ADD1: variants seen among roughly 807,000 people sequenced by gnomAD.
The protein encoded by ADD1 is alpha-adducin.
Under a neutral mutation model 80.5 loss-of-function variants are expected in ADD1, and 24 were observed. The ratio of observed to expected loss-of-function variants is 0.30; its 90% CI spans 0.22 to 0.42. The LOEUF is 0.42. Ranked by LOEUF, ADD1 falls within the 10% of genes least tolerant of loss-of-function variation. ADD1 has a pLI of 1.00. For missense variants in ADD1, 948 were observed against 1,019.0 expected (o/e 0.93, Z 0.95); for synonymous variants, 373 against 393.8 (o/e 0.95, Z 0.63).
intron 1 of ADD1, among the ~76,000 whole-genome samples, chr4:2,861,505 A>T (rs1194136511): frequency 6.6e-6 from 1 of 152,208 alleles, no homozygotes; most frequent in Admixed American, 6.5e-5. Context: ...GTTTGAGTAG[A>T]CTTTAAATAT....
chr4:2,928,631 C>T lies in ADD1; in HGVS notation c.*108C>T. 2 of 1,279,824 alleles carry T rather than the reference C, an allele frequency of 1.6e-6. No individual in the cohort carries two copies. Among genetic ancestry groups the T allele is most frequent in the Non-Finnish European group, 2.2e-6 (2 of 913,446 alleles). The allele number at this position is 1,279,824 out of a possible 1,614,324, so 79.3% of individuals were successfully genotyped here. A position where few individuals can be genotyped will look rare whatever the true frequency, so the allele number is the denominator to read the frequency against. ...TAATGGAATGCAAAAAAGCCAAGCC[C>T]TCCGCCTAGAGGTCCCCTCACGTGA... is the stretch of plus-strand genomic sequence containing the variant. On this transcript the variant is annotated 3_prime_UTR_variant, in exon 16 of 16. Transcript: ENST00000683351.
At chr4:2,922,910 A>T (rs569553302) in intron 14 of ADD1, among the ~76,000 whole-genome samples, 1 of 152,336 alleles carries the variant, frequency 6.6e-6, no homozygotes, top group South Asian at 2.1e-4. Flanking sequence ...GCCCAGTGTG[A>T]ACTTCCTGGC....
At chr4:2,866,287 C>T (rs940545792) in intron 1 of ADD1, among the ~76,000 whole-genome samples, 1 of 152,072 alleles carries the variant, frequency 6.6e-6, no homozygotes, top group Admixed American at 6.6e-5. Context: ...CTGCCTCAGC[C>T]TCTGGAATAG....
chr4:2,914,067 A>AAAAAAAAAAAAAAC (rs1738548650), intron 13 of ADD1, among the ~76,000 whole-genome samples: 1 of 151,752 alleles, frequency 6.6e-6, no homozygotes, highest in African/African-American at 2.4e-5. Context: ...TCAAAAAAAA[A>AAAAAAAAAAAAAAC]AAAAAAGAAG....
In ADD1 at chr4:2,928,610, G is replaced by A; in HGVS notation, c.*87G>A. The A allele has an allele frequency of 6.9e-7, 1 of 1,451,576 alleles. No individual in the cohort carries two copies. Among genetic ancestry groups the A allele is most frequent in the Non-Finnish European group, 9.4e-7 (1 of 1,060,756 alleles). 89.9% of individuals were successfully genotyped at this position (1,451,576 alleles called of 1,614,324 possible). ...CGTCTGTGCTCTGTCCTTGTGTAAT[G>A]GAATGCAAAAAAGCCAAGCCCTCCG... On this transcript the variant is annotated 3_prime_UTR_variant, in exon 16 of 16. Transcript: ENST00000683351.
intron 1 of ADD1, among the ~76,000 whole-genome samples, chr4:2,847,114 G>T (rs535368241): frequency 2.0e-5 from 3 of 151,722 alleles, no homozygotes; most frequent in African/African-American, 7.3e-5. Context: ...GCGAGACTCC[G>T]TCTCAAAAAA....
rs1739393572 is a variant in ADD1, at chr4:2,918,171, T to C, written c.1948+3131T>C. On this transcript the variant is annotated intron_variant, in intron 14 of 15. Coordinates refer to ENST00000683351, the MANE Select transcript of ADD1 (RefSeq NM_001354761.2). ...TATCCATGAGCATGGAATGTTTTTC[T>C]ATTTGTTTGTGTCCTATTTCGCTGA... Among the ~76,000 whole-genome samples the C allele has an allele frequency of 5.9e-5, 9 of 152,336 alleles. No homozygotes were observed. In the South Asian group the frequency reaches 1.9e-3, roughly 32 times the overall value.
intron 13 of ADD1, among the ~76,000 whole-genome samples, chr4:2,910,117 G>A (rs1737781457): frequency 6.7e-6 from 1 of 148,564 alleles, no homozygotes. Flanking sequence ...ACCCACCCAC[G>A]TAGAAGGAAA....
At position 2,874,400 on chromosome 4, in the gene ADD1, A is replaced by G. The variant is rs181622557; in HGVS notation, c.-20-1496A>G. ...GGCGGGCGGATCACCTGAGGTCAGGAGTTCGAGACCAGCCTGGCCAACATG... is the reference window on the plus strand; with the variant it reads ...GGCGGGCGGATCACCTGAGGTCAGGGGTTCGAGACCAGCCTGGCCAACATG... On this transcript the variant is annotated intron_variant, in intron 1 of 15. Transcript: ENST00000683351. Among the ~76,000 whole-genome samples the G allele has an allele frequency of 1.6e-3, 247 of 152,280 alleles. 1 individual carries two copies. Among genetic ancestry groups the G allele is most frequent in the African/African-American group, 5.7e-3 (235 of 41,570 alleles).
Position 2,926,131 on chromosome 4 carries a change from C to CG in ADD1, c.2047+21dup, listed in dbSNP as rs1254354472. Reference sequence around the variant, plus strand: ...GAGGAAGGTGAGCTCTGGGTGGCAGCGGCCGCCACTGTGGGAGGGTGCACG... The same window carrying CG: ...GAGGAAGGTGAGCTCTGGGTGGCAGCGGGCCGCCACTGTGGGAGGGTGCACG... On this transcript the variant is annotated intron_variant, in intron 15 of 15. Coordinates refer to ENST00000683351, the MANE Select transcript of ADD1 (RefSeq NM_001354761.2). This position sits in a 1 kb window ranked among gnomAD's most constrained non-coding sequence, Gnocchi z 5.0. The CG allele has an allele frequency of 1.5e-5, 24 of 1,604,556 alleles. No homozygotes were observed. The highest frequency in any genetic ancestry group is 2.0e-5 in the Non-Finnish European group (23 of 1,173,194).
rs536843330 is a variant in ADD1, at chr4:2,885,889, C to A, written c.510+1223C>A. Among the ~76,000 whole-genome samples, 7 of 152,028 alleles carry A rather than the reference C, an allele frequency of 4.6e-5. No homozygotes were observed. In the South Asian group the frequency reaches 1.2e-3, roughly 27 times the overall value. On this transcript the variant is annotated intron_variant, in intron 4 of 15. Coordinates refer to ENST00000683351, the MANE Select transcript of ADD1 (RefSeq NM_001354761.2). Reference sequence around the variant, plus strand: ...CCTCCCAAAGTGCTGGGATTACAGGCGTGAGCCACCCTGCCCGGCCCCTTC... The same window carrying A: ...CCTCCCAAAGTGCTGGGATTACAGGAGTGAGCCACCCTGCCCGGCCCCTTC...
intron 13 of ADD1, among the ~76,000 whole-genome samples, chr4:2,913,004 C>G (rs1435633417): frequency 2.0e-5 from 3 of 152,070 alleles, no homozygotes; most frequent in Non-Finnish European, 4.4e-5. Flanking sequence ...ACTACCACGC[C>G]TGGTTAATTT....
Position 2,914,933 on chromosome 4 carries a change from CCCA to C in ADD1, c.1843_1845del (p.His615del). ...GCCATCATTGAAAAGGAGTACCAGC[CCCA>C]CGTCATTGTGAGCACCACGGGCCCC... On this transcript the variant is annotated inframe_deletion, in exon 14 of 16. Transcript: ENST00000683351. 6.2e-7 allele frequency: 1 copy of C among 1,614,028 alleles called. No homozygotes were observed. Among genetic ancestry groups the C allele is most frequent in the Non-Finnish European group, 8.5e-7 (1 of 1,179,978 alleles).
chr4:2,850,842 T>G lies in ADD1; in HGVS notation c.-21+6818T>G, dbSNP rs1404672311. On this transcript the variant is annotated intron_variant, in intron 1 of 15. Coordinates refer to ENST00000683351, the MANE Select transcript of ADD1 (RefSeq NM_001354761.2). ...GCCTCGGCCTCCCAAAGTGCTGGGA[T>G]TACAGGTGTGAGCCACTGTACCTGA... 2.0e-5 allele frequency among the ~76,000 whole-genome samples: 3 copies of G among 152,282 alleles called. No homozygotes were observed. In the East Asian group the frequency reaches 5.8e-4, roughly 29 times the overall value.
Position 2,909,331 on chromosome 4 carries a change from T to C in ADD1, c.1699-8T>C. 3 of 1,549,330 alleles carry C rather than the reference T, an allele frequency of 1.9e-6. No homozygotes were observed. In the South Asian group the frequency reaches 3.6e-5, roughly 18 times the overall value. ...GGTGTGCTCTGGTGACTCAGTTTAC[T>C]GTTTCAGGATGCACCTCTCTCTGAC... On this transcript the variant is annotated splice_region_variant and splice_polypyrimidine_tract_variant and intron_variant, in intron 12 of 15. Coordinates refer to ENST00000683351, the MANE Select transcript of ADD1 (RefSeq NM_001354761.2).
chr4:2,884,923 T>G (rs59790260), intron 4 of ADD1, among the ~76,000 whole-genome samples: 17 of 152,238 alleles, frequency 1.1e-4, no homozygotes, highest in African/African-American at 3.9e-4. Flanking sequence ...CCAGATTATA[T>G]GCAGTTTCTA....
At chr4:2,865,427 A>G (rs1398668621) in intron 1 of ADD1, among the ~76,000 whole-genome samples, 1 of 152,236 alleles carries the variant, frequency 6.6e-6, no homozygotes, top group Non-Finnish European at 1.5e-5. Context: ...GAAGTATCTC[A>G]TGTCTCAGCC....
Position 2,926,508 on chromosome 4 carries a change from C to T in ADD1, c.2047+396C>T. On this transcript the variant is annotated intron_variant, in intron 15 of 15. Transcript: ENST00000683351. This position sits in a 1 kb window ranked among gnomAD's most constrained non-coding sequence, Gnocchi z 5.0. The stretch of plus-strand genomic sequence containing the variant: ...TGGTGTGTGATCCCGGGTGTCTGTC[C>T]CTCGGTCTCGTACATCCATGTCTCT... 1.1e-6 allele frequency: 1 copy of T among 937,338 alleles called. No individual in the cohort carries two copies. The allele number at this position is 937,338 out of a possible 1,614,324, so 58.1% of individuals were successfully genotyped here. A position where few individuals can be genotyped will look rare whatever the true frequency, so the allele number is the denominator to read the frequency against.
At chr4:2,858,803 G>A (rs150175005) in intron 1 of ADD1, among the ~76,000 whole-genome samples, 149 of 152,288 alleles carry the variant, frequency 9.8e-4, no homozygotes, top group African/African-American at 3.2e-3. Flanking sequence ...CCTTGGCCAC[G>A]TAGTGAGACC....
Sources: allele counts gnomAD v4.1 joint callset (sites outside exome capture counted in the v4.1 genomes callset), GRCh38; gene constraint gnomAD v4.1.1; non-coding constraint Gnocchi (gnomAD v3.1); transcripts MANE v1.5; gene names NCBI Gene and HGNC (gene_info 2026-07-23, HGNC 2026-07-21).